Variants in GDI2 observed in about 807,000 individuals in gnomAD.
The protein encoded by GDI2 is GDP dissociation inhibitor 2.
In GDI2, 22 loss-of-function variants were observed where a neutral mutation model predicts 54.2. The observed-to-expected ratio is 0.41, with a 90% CI of 0.29 to 0.58. The LOEUF (loss-of-function observed/expected upper bound fraction) is 0.58, where lower values mean the gene tolerates loss of function less well. Among genes scored for constraint, GDI2 ranks in the 20% least tolerant of loss-of-function variants. GDI2 has a pLI of 0.35. For missense variants in GDI2, 422 were observed against 546.0 expected (o/e 0.77, Z 2.26); for synonymous variants, 177 against 182.1 (o/e 0.97, Z 0.23).
intron 1 of GDI2, among the ~76,000 whole-genome samples, chr10:5,803,388 C>T (rs1326838022): frequency 6.6e-6 from 1 of 152,072 alleles, no homozygotes; most frequent in Non-Finnish European, 1.5e-5. Context: ...AAGGCCACTG[C>T]ACTTCAGCCT....
Position 5,776,875 on chromosome 10 carries a change from G to A in GDI2, c.720-2934C>T. The A allele has an allele frequency of 1.0e-6, 1 of 965,092 alleles. No homozygotes were observed. Among genetic ancestry groups the A allele is most frequent in the Non-Finnish European group, 1.5e-6 (1 of 653,626 alleles). The allele number at this position is 965,092 out of a possible 1,614,324, so 59.8% of individuals were successfully genotyped here. ...TATGAATAATTAAAATGGAAGGCCA[G>A]AGAAGAGGGGAGAAGAGGAAATAAT... On this transcript the variant is annotated intron_variant, in intron 6 of 10. Transcript: ENST00000380191. This position sits in a 1 kb window ranked among gnomAD's most constrained non-coding sequence, Gnocchi z 5.3.
Position 5,785,906 on chromosome 10 carries a change from C to A in GDI2, c.533G>T (p.Gly178Val), listed in dbSNP as rs1840863193. ...MRDVYKKFDLGQDVIDFTGHA... is the reference protein window; with the variant it reads ...MRDVYKKFDLVQDVIDFTGHA... ...ACCAGTAAAATCTATAACGTCTTGA[C>A]CCAAATCAAATTTCTTATACACATC... is the stretch of plus-strand genomic sequence containing the variant. Residue 178 changes from glycine to valine, a missense_variant, in exon 5 of 11, where the codon GGT (glycine) becomes GTT (valine). By Grantham distance (109) the Gly-to-Val change is moderately radical. Transcript: ENST00000380191. 2 of 1,612,064 alleles carry A rather than the reference C, an allele frequency of 1.2e-6. No individual in the cohort carries two copies.
Position 5,776,900 on chromosome 10 carries a change from T to C in GDI2, c.720-2959A>G. 1.2e-6 allele frequency: 1 copy of C among 846,016 alleles called. No individual in the cohort carries two copies. The highest frequency in any genetic ancestry group is 2.2e-5 in the South Asian group (1 of 46,028). The allele number at this position is 846,016 out of a possible 1,614,324, so 52.4% of individuals were successfully genotyped here. On this transcript the variant is annotated intron_variant, in intron 6 of 10. Transcript: ENST00000380191. This position sits in a 1 kb window ranked among gnomAD's most constrained non-coding sequence, Gnocchi z 5.3. ...GAGAAGAGGGGAGAAGAGGAAATAA[T>C]GCGAAAACAGTTAATCCAGCAAAAA...
chr10:5,794,188 A>AATATATATATAT (rs1165735549), intron 4 of GDI2, among the ~76,000 whole-genome samples: 5 of 40,338 alleles, frequency 1.2e-4, no homozygotes, highest in Admixed American at 4.3e-4. Flanking sequence ...AAAAAAAAAA[A>AATATATATATAT]ATATATATAT....
intron 6 of GDI2, among the ~76,000 whole-genome samples, chr10:5,775,233 A>G (rs1024666618): frequency 2.6e-5 from 4 of 152,176 alleles, no homozygotes; most frequent in African/African-American, 9.7e-5. Context: ...GGCTGCAGTA[A>G]GTCGTGATCA....
In GDI2 at chr10:5,776,737, G is replaced by A. The variant is rs957427291; in HGVS notation, c.720-2796C>T. ...CTACAGCCTCTTTAACCTGGCAGAA[G>A]TTTGCAGCAAATACCAGGAAAGCCA... On this transcript the variant is annotated intron_variant, in intron 6 of 10. Transcript: ENST00000380191. The surrounding 1 kb of genome is among the most constrained non-coding windows in gnomAD (Gnocchi z 5.3). The A allele has an allele frequency of 4.6e-6, 7 of 1,506,432 alleles. No homozygotes were observed. The African/African-American group carries it at 6.9e-5, about 15-fold the overall frequency. 93.3% of individuals were successfully genotyped at this position (1,506,432 alleles called of 1,614,324 possible).
intron 4 of GDI2, among the ~76,000 whole-genome samples, chr10:5,794,232 T>TATATATATAA (rs1390834892): frequency 2.1e-5 from 2 of 97,410 alleles, no homozygotes; most frequent in African/African-American, 8.0e-5. Context: ...TATATATATA[T>TATATATATAA]AAAACTCACC....
intron 1 of GDI2, among the ~76,000 whole-genome samples, chr10:5,805,889 A>G (rs555173783): frequency 8.5e-5 from 13 of 152,356 alleles, no homozygotes; most frequent in South Asian, 2.1e-4. Context: ...TCTATGCAGC[A>G]CACTTTGGGT....
rs1417112297 is a variant in GDI2 at position 5,766,259 on chromosome 10, G to T, written c.1173C>A (p.Asp391Glu). The T allele has an allele frequency of 1.2e-6, 2 of 1,613,578 alleles. No individual in the cohort carries two copies. The highest frequency in any genetic ancestry group is 1.7e-6 in the Non-Finnish European group (2 of 1,179,578). ...VSISDLLVPKDLGTESQIFIS... is the reference protein window; with the variant it reads ...VSISDLLVPKELGTESQIFIS... Reference sequence around the variant, plus strand: ...TACTCACCTGGCTTTCTGTTCCCAAGTCTTTTGGTACCAGGAGGTCACTGA... The same window carrying T: ...TACTCACCTGGCTTTCTGTTCCCAATTCTTTTGGTACCAGGAGGTCACTGA... The change falls in exon 10 of 11, where the codon GAC (aspartate) becomes GAA (glutamate). Residue 391 changes from aspartate (D) to glutamate (E), a missense_variant. Asp to Glu is a conservative substitution (Grantham distance 45, BLOSUM62 2). Transcript: ENST00000380191. The surrounding 1 kb of genome is among the most constrained non-coding windows in gnomAD (Gnocchi z 5.8).
intron 2 of GDI2, among the ~76,000 whole-genome samples, chr10:5,797,312 C>T (rs889789814): frequency 3.3e-5 from 5 of 151,294 alleles, no homozygotes; most frequent in African/African-American, 4.9e-5. Flanking sequence ...TTTGGGAGGC[C>T]GAGGCGGGTG....
chr10:5,775,821 C>T (rs1023770272), intron 6 of GDI2, among the ~76,000 whole-genome samples: 24 of 152,190 alleles, frequency 1.6e-4, no homozygotes, highest in Non-Finnish European at 2.2e-4. Context: ...AGGCCACTTG[C>T]GCGTGTGACG....
At chr10:5,806,438 G>T (rs1841383407) in intron 1 of GDI2, among the ~76,000 whole-genome samples, 1 of 151,086 alleles carries the variant, frequency 6.6e-6, no homozygotes, top group Non-Finnish European at 1.5e-5. Context: ...GTTTACTGAT[G>T]ATCAAGCTAA....
At chr10:5,781,953 T>C (rs1232079351) in intron 6 of GDI2, among the ~76,000 whole-genome samples, 2 of 152,066 alleles carry the variant, frequency 1.3e-5, no homozygotes, top group Non-Finnish European at 2.9e-5. Flanking sequence ...GCAGAGGTTG[T>C]AGTGAGCCAA....
At chr10:5,806,487 T>C (rs1488817389) in intron 1 of GDI2, among the ~76,000 whole-genome samples, 2 of 152,114 alleles carry the variant, frequency 1.3e-5, no homozygotes, top group African/African-American at 4.8e-5. Flanking sequence ...TTCAAAATTT[T>C]TCCCCATTTT....
chr10:5,771,643 CT>C (rs1840491304), intron 7 of GDI2, among the ~76,000 whole-genome samples: 1 of 146,220 alleles, frequency 6.8e-6, no homozygotes, highest in Non-Finnish European at 1.5e-5. Flanking sequence ...TCCTTATCAT[CT>C]TAAGGCTATG....
intron 8 of GDI2, among the ~76,000 whole-genome samples, chr10:5,767,205 A>C (rs1315779214): frequency 7.3e-5 from 11 of 150,974 alleles, no homozygotes; most frequent in Admixed American, 6.6e-4. Flanking sequence ...AAAAAAAAAA[A>C]CTCTGGGACC....
chr10:5,783,670 T>C (rs1432506036), intron 6 of GDI2, among the ~76,000 whole-genome samples: 3 of 152,232 alleles, frequency 2.0e-5, no homozygotes, highest in African/African-American at 7.2e-5. Flanking sequence ...TCTCAGCACT[T>C]GTTTGTGTGA....
chr10:5,793,090 A>T (rs1201991447), intron 4 of GDI2, among the ~76,000 whole-genome samples: 1 of 151,956 alleles, frequency 6.6e-6, no homozygotes, highest in Non-Finnish European at 1.5e-5. Context: ...GATTTCCTGG[A>T]CTCAAGCGAT....
At position 5,813,330 on chromosome 10, in the gene GDI2, T is replaced by C; in HGVS notation, c.-72A>G. On this transcript the variant is annotated 5_prime_UTR_variant, in exon 1 of 11. Coordinates refer to ENST00000380191, the MANE Select transcript of GDI2 (RefSeq NM_001494.4). Reference sequence around the variant, plus strand: ...GGGCTCCGTGACCACCCTACGAGGCTGGGAGGCGCTCTTGGGCGCGAAGGA... The same window carrying C: ...GGGCTCCGTGACCACCCTACGAGGCCGGGAGGCGCTCTTGGGCGCGAAGGA... 8.8e-7 allele frequency: 1 copy of C among 1,136,942 alleles called. No individual in the cohort carries two copies. Among genetic ancestry groups the C allele is most frequent in the African/African-American group, 1.6e-5 (1 of 64,114 alleles). 70.4% of individuals were successfully genotyped at this position (1,136,942 alleles called of 1,614,324 possible).
Sources: gnomAD v4.1 joint callset for allele counts (sites outside exome capture counted in the v4.1 genomes callset) on GRCh38, gnomAD v4.1.1 for gene constraint, Gnocchi (gnomAD v3.1) non-coding constraint, MANE v1.5 for transcripts, NCBI Gene and HGNC (gene_info 2026-07-23, HGNC 2026-07-21) for gene names.